DGKH: variants seen among roughly 807,000 people sequenced by gnomAD.
DGKH encodes DAG kinase eta.
Under a neutral mutation model 159.3 loss-of-function variants are expected in DGKH, and 90 were observed. The ratio of observed to expected loss-of-function variants is 0.57; its 90% CI spans 0.48 to 0.67. The LOEUF (loss-of-function observed/expected upper bound fraction) is 0.67, where lower values mean the gene tolerates loss of function less well. Among genes scored for constraint, DGKH ranks in the 30% least tolerant of loss-of-function variants. The pLI, the probability that DGKH is intolerant of heterozygous loss-of-function variation, is 0.00. For missense variants in DGKH, 1,181 were observed against 1,506.1 expected (o/e 0.78, Z 3.57); for synonymous variants, 536 against 553.8 (o/e 0.97, Z 0.45).
intron 5 of DGKH, among the ~76,000 whole-genome samples, chr13:42,156,686 T>C (rs948957986): frequency 2.6e-5 from 4 of 152,228 alleles, no homozygotes; most frequent in African/African-American, 9.6e-5. Flanking sequence ...ATACCAGCTT[T>C]TTTTCTCTAA....
At chr13:42,213,152 C>T (rs1957701424) in intron 24 of DGKH, among the ~76,000 whole-genome samples, 1 of 152,060 alleles carries the variant, frequency 6.6e-6, no homozygotes, top group Non-Finnish European at 1.5e-5. Flanking sequence ...GCAAGGTGAA[C>T]ACTGAGGATG....
intron 18 of DGKH, 60 bp downstream of exon 18, chr13:42,198,655 A>C: frequency 1.6e-6 from 2 of 1,270,774 alleles, no homozygotes; most frequent in Non-Finnish European, 1.1e-6. Context: ...TTTTTTTTCA[A>C]CATGAACTGT....
At chr13:42,206,973 CT>C (rs754273067) in intron 21 of DGKH, among the ~76,000 whole-genome samples, 3 of 56,378 alleles carry the variant, frequency 5.3e-5, no homozygotes, top group Non-Finnish European at 1.2e-4. Flanking sequence ...GGTACTTTTA[CT>C]TTTTCTTTCT....
chr13:42,116,920 G>T (rs978867542), intron 1 of DGKH, among the ~76,000 whole-genome samples: 1 of 152,122 alleles, frequency 6.6e-6, no homozygotes. Context: ...TTTGGAAAAC[G>T]ATTTTTCAAA....
intron 13 of DGKH, among the ~76,000 whole-genome samples, chr13:42,184,875 G>GTT (rs67713658): frequency 8.6e-6 from 1 of 115,658 alleles, no homozygotes. Context: ...CTCTAAAAAT[G>GTT]TTTTTTTTTT....
At chr13:42,046,429 C>T (rs763172895), upstream of DGKH, among the ~76,000 whole-genome samples, 1 of 152,078 alleles carries the variant, frequency 6.6e-6, no homozygotes, top group Non-Finnish European at 1.5e-5. Context: ...GCTAGTAAGT[C>T]AGGTATCTTA....
At chr13:42,181,721 C>T (rs1329694398) in intron 13 of DGKH, 2 of 734,874 alleles carry the variant, frequency 2.7e-6, no homozygotes, top group Non-Finnish European at 4.1e-6. Flanking sequence ...CAGCAGGGCC[C>T]ACAGCCACGC....
intron 1 of DGKH, among the ~76,000 whole-genome samples, chr13:42,041,759 T>C (rs568397218): frequency 6.6e-6 from 1 of 152,274 alleles, no homozygotes; most frequent in East Asian, 1.9e-4. Context: ...ATTTTGACTC[T>C]CCACGCCCTG....
chr13:42,255,911 C>T, intron 30 of DGKH: 4 of 1,581,438 alleles, frequency 2.5e-6, no homozygotes, highest in Non-Finnish European at 3.4e-6. Flanking sequence ...TACAGGCTTG[C>T]CTTTTGTCAC....
At chr13:42,072,193 C>G (rs1033129275) in intron 1 of DGKH, among the ~76,000 whole-genome samples, 2 of 152,180 alleles carry the variant, frequency 1.3e-5, no homozygotes, top group African/African-American at 2.4e-5. Flanking sequence ...CATAACCGCT[C>G]TTATCTTTGA....
At position 42,231,981 on chromosome 13, in the gene DGKH, C is replaced by T. The variant is rs1391311929; in HGVS notation, c.*2793C>T. 1.3e-5 allele frequency: 2 copies of T among 152,186 alleles called. No homozygotes were observed. The highest frequency in any genetic ancestry group is 1.3e-4 in the Admixed American group (2 of 15,276). The allele number at this position is 152,186 out of a possible 1,614,324, so 9.4% of individuals were successfully genotyped here. ...CTCTGTATGCTTTGTCTATGCATGG[C>T]TGTGCAGGGCCCAAATGACTTCACT... is the stretch of plus-strand genomic sequence containing the variant. On this transcript the variant is annotated 3_prime_UTR_variant, in exon 30 of 30. Coordinates refer to ENST00000337343, the MANE Select transcript of DGKH (RefSeq NM_178009.5).
At chr13:42,253,878 A>G (rs1958637584) in intron 30 of DGKH, among the ~76,000 whole-genome samples, 1 of 152,024 alleles carries the variant, frequency 6.6e-6, no homozygotes, top group South Asian at 2.1e-4. Flanking sequence ...GCTCCTCTGA[A>G]TTTTCTAAAT....
At chr13:42,074,643 T>TATCCGTCC (rs1317456289) in intron 1 of DGKH, among the ~76,000 whole-genome samples, 2 of 126,984 alleles carry the variant, frequency 1.6e-5, no homozygotes, top group Non-Finnish European at 3.4e-5. Flanking sequence ...GTATTGTATC[T>TATCCGTCC]ATCCGTCCAT....
intron 11 of DGKH, 22 bp downstream of exon 11, chr13:42,168,840 C>T: frequency 6.3e-7 from 1 of 1,597,768 alleles, no homozygotes; most frequent in South Asian, 1.2e-5. Flanking sequence ...TTCTTTTCTA[C>T]AACTAGATGG....
At chr13:42,248,209 G>A (rs1958595444) in intron 29 of DGKH, among the ~76,000 whole-genome samples, 1 of 152,022 alleles carries the variant, frequency 6.6e-6, no homozygotes, top group Non-Finnish European at 1.5e-5. Flanking sequence ...ATCATTTGAG[G>A]CCAGGAGTTC....
intron 26 of DGKH, 40 bp downstream of exon 26, chr13:42,215,707 T>G: frequency 6.5e-7 from 1 of 1,547,174 alleles, no homozygotes; most frequent in Non-Finnish European, 8.9e-7. Flanking sequence ...AATGATGAAT[T>G]AAATGTCTGG....
At chr13:42,087,709 A>C (rs974576061) in intron 1 of DGKH, among the ~76,000 whole-genome samples, 2 of 151,804 alleles carry the variant, frequency 1.3e-5, no homozygotes, top group African/African-American at 4.8e-5. Context: ...TTAAAAATAC[A>C]CAATATAAAA....
chr13:42,094,259 A>G (rs1230205656), intron 1 of DGKH, among the ~76,000 whole-genome samples: 1 of 152,238 alleles, frequency 6.6e-6, no homozygotes, highest in Non-Finnish European at 1.5e-5. Context: ...CCTAAAACTT[A>G]AAGTATAATA....
intron 21 of DGKH, among the ~76,000 whole-genome samples, chr13:42,207,697 A>G (rs939436660): frequency 1.4e-5 from 2 of 138,520 alleles, no homozygotes; most frequent in African/African-American, 5.1e-5. Flanking sequence ...TAAAGTGTGT[A>G]TATATATATA....
Sources: allele counts gnomAD v4.1 joint callset (sites outside exome capture counted in the v4.1 genomes callset), GRCh38; gene constraint gnomAD v4.1.1; transcripts MANE v1.5; gene names NCBI Gene and HGNC (gene_info 2026-07-23, HGNC 2026-07-21).